The following AGTPBP1 variants were observed in gnomAD, a reference collection of about 807,000 sequenced individuals.
The protein encoded by AGTPBP1 is cytosolic carboxypeptidase 1.
Under a neutral mutation model 143.9 loss-of-function variants are expected in AGTPBP1, and 70 were observed. The ratio of observed to expected loss-of-function variants is 0.49; its 90% CI spans 0.40 to 0.59. The LOEUF is 0.59. Ranked by LOEUF, AGTPBP1 falls within the 20% of genes least tolerant of loss-of-function variation. AGTPBP1 has a pLI of 0.00. For synonymous variants in AGTPBP1, 463 were observed against 500.2 expected (o/e 0.93, Z 0.99); for missense variants, 1,229 against 1,464.5 (o/e 0.84, Z 2.62).
At chr9:85,711,438 TTTC>T (rs1351512638) in intron 2 of AGTPBP1, among the ~76,000 whole-genome samples, 1 of 151,160 alleles carries the variant, frequency 6.6e-6, no homozygotes, top group Non-Finnish European at 1.5e-5. Flanking sequence ...ATCTTTTTTC[TTTC>T]TTTTTTTTTT....
chr9:85,622,060 C>T (rs988853198), intron 14 of AGTPBP1, among the ~76,000 whole-genome samples: 5 of 152,194 alleles, frequency 3.3e-5, no homozygotes, highest in Admixed American at 1.3e-4. Flanking sequence ...TAAAGCCAGA[C>T]TGCCTGTAAC....
chr9:85,616,716 C>A (rs1328786881), intron 17 of AGTPBP1, among the ~76,000 whole-genome samples: 6 of 151,882 alleles, frequency 4.0e-5, no homozygotes, highest in African/African-American at 1.4e-4. Flanking sequence ...CACTAGGTTT[C>A]TTTACTTATT....
chr9:85,641,543 A>C (rs1463139733), intron 13 of AGTPBP1, among the ~76,000 whole-genome samples: 1 of 151,812 alleles, frequency 6.6e-6, no homozygotes, highest in Non-Finnish European at 1.5e-5. Flanking sequence ...TGTACCTCAA[A>C]TCTAGGGGGA....
chr9:85,572,000 G>A lies in AGTPBP1; in HGVS notation c.3503+3315C>T, dbSNP rs1283182040. Among the ~76,000 whole-genome samples the A allele has an allele frequency of 7.7e-5, 6 of 78,304 alleles. No individual in the cohort carries two copies. In the Admixed American group the frequency reaches 9.0e-4, roughly 12 times the overall value. 51.4% of individuals were successfully genotyped at this position (78,304 alleles called of 152,430 possible). On this transcript the variant is annotated intron_variant, in intron 25 of 25. Coordinates refer to ENST00000357081, the MANE Select transcript of AGTPBP1 (RefSeq NM_001330701.2). ...TAATTGGCCATTATTAGTTGTTTGT[G>A]TGTGTTTTTTTTTTTTTTTTTTTTT...
rs532506011 is a variant in AGTPBP1 at position 85,705,937 on chromosome 9, G to A, written c.32+6565C>T. Among the ~76,000 whole-genome samples, 9 of 151,924 alleles carry A rather than the reference G, an allele frequency of 5.9e-5. No homozygotes were observed. The South Asian group carries it at 6.3e-4, about 11-fold the overall frequency. On this transcript the variant is annotated intron_variant, in intron 2 of 25. Coordinates refer to ENST00000357081, the MANE Select transcript of AGTPBP1 (RefSeq NM_001330701.2). ...GATCTCCTGACCTTGTGATCCGCCC[G>A]CCTCGGCCTCCCAAAGTGCTGGGAT...
intron 2 of AGTPBP1, among the ~76,000 whole-genome samples, chr9:85,693,427 T>C (rs1356584601): frequency 3.3e-5 from 5 of 152,146 alleles, no homozygotes; most frequent in African/African-American, 9.7e-5. Context: ...GTGAAACCCA[T>C]CTTTACTAAA....
In AGTPBP1 at chr9:85,633,353, C is replaced by A; in HGVS notation, c.1324G>T (p.Glu442Ter). Residue 442 changes from glutamate to a stop codon, truncating the protein, a stop_gained, in exon 14 of 26, where the codon GAA becomes TAA. Transcript: ENST00000357081. LOFTEE classifies it high-confidence loss of function. ...CCCTCAAATACAAAAGGCTTTGGTT[C>A]TTTGGAGATTAAATCATAGTCCTTT... ...DFQDYDLISK[E>*]PKPFVFEGKV... The A allele has an allele frequency of 6.3e-7, 1 of 1,576,706 alleles. No homozygotes were observed. Among genetic ancestry groups the A allele is most frequent in the East Asian group, 2.2e-5 (1 of 44,680 alleles).
At position 85,734,808 on chromosome 9, in the gene AGTPBP1, T is replaced by C. The variant is rs75521109; in HGVS notation, c.-34+6967A>G. On this transcript the variant is annotated intron_variant, in intron 1 of 25. Coordinates refer to ENST00000357081, the MANE Select transcript of AGTPBP1 (RefSeq NM_001330701.2). Reference sequence around the variant, plus strand: ...GTCTTCCATGGGAGGCCGAGGCAAGTGGATCATGAAGTCAGGAGACAGGGA... The same window carrying C: ...GTCTTCCATGGGAGGCCGAGGCAAGCGGATCATGAAGTCAGGAGACAGGGA... 6.8e-3 allele frequency among the ~76,000 whole-genome samples: 1,039 copies of C among 152,042 alleles called. 9 individuals carry two copies. Among genetic ancestry groups the C allele is most frequent in the South Asian group, 0.019 (90 of 4,816 alleles).
intron 13 of AGTPBP1, among the ~76,000 whole-genome samples, chr9:85,638,417 G>A (rs1480586548): frequency 2.0e-5 from 3 of 151,824 alleles, no homozygotes; most frequent in Admixed American, 2.0e-4. Context: ...TGGAGTAAGA[G>A]AAAGATAATC....
At chr9:85,802,051 G>C in the AGTPBP1 span, among the ~76,000 whole-genome samples, 2 of 152,168 alleles carry the variant, frequency 1.3e-5, no homozygotes, top group South Asian at 2.1e-4. Context: ...TGTACCCTCT[G>C]GTACCTCAAT....
intron 10 of AGTPBP1, among the ~76,000 whole-genome samples, chr9:85,655,533 T>A (rs1273452285): frequency 1.3e-5 from 2 of 152,116 alleles, no homozygotes; most frequent in Admixed American, 1.3e-4. Context: ...TCAGAAGAAC[T>A]TTTCCTTAAA....
chr9:85,604,246 C>T (rs1011260508), intron 17 of AGTPBP1, among the ~76,000 whole-genome samples: 2 of 152,222 alleles, frequency 1.3e-5, no homozygotes, highest in African/African-American at 4.8e-5. Flanking sequence ...TCATCTCTCC[C>T]CTAGCTCCAG....
chr9:85,609,492 A>C (rs1394414913), intron 17 of AGTPBP1, among the ~76,000 whole-genome samples: 1 of 152,130 alleles, frequency 6.6e-6, no homozygotes, highest in Non-Finnish European at 1.5e-5. Flanking sequence ...CATGTTGACC[A>C]GGCTAGTCTC....
intron 13 of AGTPBP1, among the ~76,000 whole-genome samples, chr9:85,635,626 A>ATAAG (rs1313274338): frequency 6.6e-6 from 1 of 152,184 alleles, no homozygotes; most frequent in East Asian, 1.9e-4. Context: ...TCCCTATGTG[A>ATAAG]TAAGCTAAAG....
intron 13 of AGTPBP1, among the ~76,000 whole-genome samples, chr9:85,640,653 T>C (rs1406441465): frequency 1.3e-5 from 2 of 152,206 alleles, no homozygotes; most frequent in Admixed American, 1.3e-4. Flanking sequence ...AAGTGCCATG[T>C]AGGAAATCAT....
chr9:85,741,262 G>C, intron 1 of AGTPBP1: 1 of 985,458 alleles, frequency 1.0e-6, no homozygotes, highest in Non-Finnish European at 1.2e-6. Context: ...CGATGTCACA[G>C]CAAATCCCAC....
At chr9:85,680,609 A>G (rs1164085135) in intron 4 of AGTPBP1, among the ~76,000 whole-genome samples, 2 of 149,112 alleles carry the variant, frequency 1.3e-5, no homozygotes, top group Non-Finnish European at 3.0e-5. Context: ...GAAAAGAGAG[A>G]AAAAAAAAAC....
At chr9:85,775,589 T>A in the AGTPBP1 span, among the ~76,000 whole-genome samples, 2 of 132,608 alleles carry the variant, frequency 1.5e-5, no homozygotes, top group African/African-American at 3.7e-5. Flanking sequence ...ATTATATAAA[T>A]ATATATATAT....
intron 17 of AGTPBP1, among the ~76,000 whole-genome samples, chr9:85,617,161 G>A (rs1830645392): frequency 6.6e-6 from 1 of 151,988 alleles, no homozygotes; most frequent in Non-Finnish European, 1.5e-5. Context: ...ACTGTTGAAA[G>A]CTTTAATTTT....
Sources: gnomAD v4.1 joint callset for allele counts (sites outside exome capture counted in the v4.1 genomes callset) on GRCh38, gnomAD v4.1.1 for gene constraint, MANE v1.5 for transcripts, NCBI Gene and HGNC (gene_info 2026-07-23, HGNC 2026-07-21) for gene names.